Variants in PRPF38A observed in about 807,000 individuals in gnomAD.
The protein encoded by PRPF38A is pre-mRNA processing factor 38A, also known as pre-mRNA-splicing factor 38A.
A neutral mutation model predicts 46.8 loss-of-function variants in PRPF38A; 11 were observed. The observed-to-expected ratio is 0.24, with a 90% CI of 0.15 to 0.39. The LOEUF is 0.39. PRPF38A is among the 10% of genes least tolerant of loss of function. The pLI, the probability that PRPF38A is intolerant of heterozygous loss-of-function variation, is 1.00. For synonymous variants in PRPF38A, 124 were observed against 136.2 expected (o/e 0.91, Z 0.62); for missense variants, 261 against 407.5 (o/e 0.64, Z 3.10).
Position 52,411,214 on chromosome 1 carries a change from GTC to G in PRPF38A, c.498+16_498+17del, listed in dbSNP as rs765484584. On this transcript the variant is annotated intron_variant, in intron 4 of 9. Transcript: ENST00000257181. The stretch of plus-strand genomic sequence containing the variant: ...CCCCGACTACAGGTAAGAAATAAAA[GTC>G]TGTTACCAGAGTCACCCTTCTCTTC... 1.3e-6 allele frequency: 2 copies of G among 1,590,832 alleles called. No individual in the cohort carries two copies. The highest frequency in any genetic ancestry group is 1.7e-6 in the Non-Finnish European group (2 of 1,159,964).
intron 1 of PRPF38A, among the ~76,000 whole-genome samples, chr1:52,405,248 T>TA (rs1647945096): frequency 6.6e-6 from 1 of 152,238 alleles, no homozygotes; most frequent in South Asian, 2.1e-4. Flanking sequence ...TTCATGATCT[T>TA]ACTATTCTTA....
At chr1:52,414,678 A>T (rs777774985) in intron 7 of PRPF38A, 31 bp downstream of exon 7, 2 of 1,613,860 alleles carry the variant, frequency 1.2e-6, no homozygotes, top group East Asian at 4.5e-5. Context: ...GATGAAGGAT[A>T]GGGCTTTGGG....
chr1:52,407,025 T>G (rs1463326047), intron 2 of PRPF38A, among the ~76,000 whole-genome samples: 1 of 152,142 alleles, frequency 6.6e-6, no homozygotes, highest in Non-Finnish European at 1.5e-5. Context: ...GAACAACTCT[T>G]TTTTTTGTTT....
intron 2 of PRPF38A, among the ~76,000 whole-genome samples, chr1:52,406,362 C>G (rs535066804): frequency 6.6e-6 from 1 of 152,202 alleles, no homozygotes; most frequent in South Asian, 2.1e-4. Flanking sequence ...TAATTTTTCC[C>G]TGAAAAAGGA....
Position 52,407,208 on chromosome 1 carries a change from G to A in PRPF38A, c.291-1361G>A, listed in dbSNP as rs1477931574. 2.6e-5 allele frequency among the ~76,000 whole-genome samples: 4 copies of A among 152,092 alleles called. No homozygotes were observed. The East Asian group carries it at 7.7e-4, about 29-fold the overall frequency. On this transcript the variant is annotated intron_variant, in intron 2 of 9. Coordinates refer to ENST00000257181, the MANE Select transcript of PRPF38A (RefSeq NM_032864.4). ...AATTTTTTGTATTTTTACTAGAGACGGCATTTCACCGCGTTAGCCAGGATG... is the reference window on the plus strand; with the variant it reads ...AATTTTTTGTATTTTTACTAGAGACAGCATTTCACCGCGTTAGCCAGGATG...
Position 52,419,098 on chromosome 1 carries a change from G to C in PRPF38A, c.*2408G>C, listed in dbSNP as rs1431022748. ...TGGCCAGGTGCGGTGGCTCACGCCT[G>C]TAATCCCAGCACTTTGGGAGGCCGA... On this transcript the variant is annotated 3_prime_UTR_variant, in exon 10 of 10. Coordinates refer to ENST00000257181, the MANE Select transcript of PRPF38A (RefSeq NM_032864.4). 6.6e-6 allele frequency: 1 copy of C among 152,332 alleles called. No individual in the cohort carries two copies. The highest frequency in any genetic ancestry group is 2.4e-5 in the African/African-American group (1 of 41,470). 9.4% of individuals were successfully genotyped at this position (152,332 alleles called of 1,614,324 possible). A position where few individuals can be genotyped will look rare whatever the true frequency, so the allele number is the denominator to read the frequency against.
Position 52,404,730 on chromosome 1 carries a change from A to G in PRPF38A, c.-20A>G. On this transcript the variant is annotated 5_prime_UTR_variant, in exon 1 of 10. It adds an upstream start codon to the 5' untranslated region. Transcript: ENST00000257181. ...AGGCATTAAAGGATCCGACGGAAATAGAATTGAAGGCATTCTAAAATGGCT... is the reference window on the plus strand; with the variant it reads ...AGGCATTAAAGGATCCGACGGAAATGGAATTGAAGGCATTCTAAAATGGCT... 6.2e-7 allele frequency: 1 copy of G among 1,610,166 alleles called. No homozygotes were observed. The highest frequency in any genetic ancestry group is 8.5e-7 in the Non-Finnish European group (1 of 1,178,372).
chr1:52,413,601 T>C (rs1443126011), intron 5 of PRPF38A, among the ~76,000 whole-genome samples: 2 of 152,178 alleles, frequency 1.3e-5, no homozygotes, highest in Non-Finnish European at 2.9e-5. Flanking sequence ...TTTCACCATG[T>C]TGCCCAGGCT....
Position 52,408,720 on chromosome 1 carries a change from C to A in PRPF38A, c.412+30C>A. 1.9e-6 allele frequency: 3 copies of A among 1,609,128 alleles called. No individual in the cohort carries two copies. In the South Asian group the frequency reaches 3.3e-5, roughly 18 times the overall value. On this transcript the variant is annotated intron_variant, in intron 3 of 9. Coordinates refer to ENST00000257181, the MANE Select transcript of PRPF38A (RefSeq NM_032864.4). ...GTATGGTGCTAAGTCTCCTGATTGT[C>A]ATTTTTAAGCCAGTTTTTATTTTAC...
chr1:52,414,114 T>C, intron 6 of PRPF38A, 123 bp downstream of exon 6: 1 of 649,604 alleles, frequency 1.5e-6, no homozygotes. Flanking sequence ...TAGTTATCTG[T>C]TGCTGCAAAA....
chr1:52,416,497 CAG>C, intron 9 of PRPF38A, 149 bp from the exon 10 acceptor site: 1 of 558,690 alleles, frequency 1.8e-6, no homozygotes, highest in Non-Finnish European at 3.3e-6. Context: ...TTAGTAGAGA[CAG>C]GGTTTCACCA....
chr1:52,412,663 G>C (rs759156840), intron 5 of PRPF38A, 39 bp downstream of exon 5: 1 of 1,315,482 alleles, frequency 7.6e-7, no homozygotes, highest in Non-Finnish European at 1.1e-6. Context: ...AGGGGAGGGA[G>C]TAATAGAAAA....
chr1:52,408,278 A>C (rs900288826), intron 2 of PRPF38A: 1 of 487,188 alleles, frequency 2.1e-6, no homozygotes, highest in Admixed American at 2.8e-5. Context: ...TTTGATTCTT[A>C]GAGTAATCCT....
rs768345256 is a variant in PRPF38A, at chr1:52,411,177, G to A, written c.475G>A (p.Asp159Asn). Residue 159 changes from aspartate (D) to asparagine (N), a missense_variant, in exon 4 of 10, where the codon GAT becomes AAT. Asp to Asn is a conservative substitution (Grantham distance 23). Coordinates refer to ENST00000257181, the MANE Select transcript of PRPF38A (RefSeq NM_032864.4). ...ACTATTGCACAGTGAGAGAGTCTGTGATATCATTCTGCCCCGACTACAGGT... is the reference window on the plus strand; with the variant it reads ...ACTATTGCACAGTGAGAGAGTCTGTAATATCATTCTGCCCCGACTACAGGT... ...DELLHSERVC[D>N]IILPRLQKRY... 4 of 1,613,294 alleles carry A rather than the reference G, an allele frequency of 2.5e-6. No homozygotes were observed. The highest frequency in any genetic ancestry group is 3.4e-6 in the Non-Finnish European group (4 of 1,179,412).
Position 52,404,633 on chromosome 1 carries a change from G to C in PRPF38A, c.-117G>C. The C allele has an allele frequency of 8.6e-7, 1 of 1,168,198 alleles. No individual in the cohort carries two copies. Among genetic ancestry groups the C allele is most frequent in the Non-Finnish European group, 1.2e-6 (1 of 831,328 alleles). 72.4% of individuals were successfully genotyped at this position (1,168,198 alleles called of 1,614,324 possible). A position where few individuals can be genotyped will look rare whatever the true frequency, so the allele number is the denominator to read the frequency against. On this transcript the variant is annotated 5_prime_UTR_variant, in exon 1 of 10. Coordinates refer to ENST00000257181, the MANE Select transcript of PRPF38A (RefSeq NM_032864.4). ...CGGTGTTTCCGGCTTCAAGATGGTC[G>C]CCTAAGCTGTTTAGTGAAACTTCTT...
rs753952774 is a variant in PRPF38A, at chr1:52,411,122, A to C, written c.420A>C (p.Glu140Asp). The C allele has an allele frequency of 6.2e-7, 1 of 1,612,772 alleles. No individual in the cohort carries two copies. Among genetic ancestry groups the C allele is most frequent in the South Asian group, 1.1e-5 (1 of 90,976 alleles). ...AATGACTTTTTCTTGCAGAGTTTGAATTGATGCATGTTGATGAGTTTATTG... is the reference window on the plus strand; with the variant it reads ...AATGACTTTTTCTTGCAGAGTTTGACTTGATGCATGTTGATGAGTTTATTG... Reference protein sequence around the residue: ...IKSQNRNGEFELMHVDEFIDE... With the variant: ...IKSQNRNGEFDLMHVDEFIDE... Residue 140 changes from glutamate to aspartate, a missense_variant, in exon 4 of 10, where the codon GAA (glutamate) becomes GAC (aspartate). Glu to Asp is a conservative substitution (Grantham distance 45). Around this residue, in one of 2 missense-constraint regions of PRPF38A, gnomAD observed 81 missense variants for 186.5 expected, o/e 0.43. Coordinates refer to ENST00000257181, the MANE Select transcript of PRPF38A (RefSeq NM_032864.4).
intron 6 of PRPF38A, among the ~76,000 whole-genome samples, chr1:52,414,225 A>G (rs1047410999): frequency 6.6e-6 from 1 of 152,186 alleles, no homozygotes; most frequent in Non-Finnish European, 1.5e-5. Context: ...GGCAGTTTTT[A>G]AAGTACCTGT....
intron 2 of PRPF38A, chr1:52,408,181 A>G (rs1164349621): frequency 5.9e-6 from 2 of 338,448 alleles, no homozygotes; most frequent in Non-Finnish European, 1.1e-5. Flanking sequence ...CGGAGGTTGC[A>G]GTGAGCCAAG....
chr1:52,406,891 G>A (rs1386640030), intron 2 of PRPF38A, among the ~76,000 whole-genome samples: 2 of 152,182 alleles, frequency 1.3e-5, no homozygotes, highest in Non-Finnish European at 2.9e-5. Context: ...GGCAAATCTG[G>A]CTTCAGAGTT....
Sources: gnomAD v4.1 joint callset for allele counts (sites outside exome capture counted in the v4.1 genomes callset) on GRCh38, gnomAD v4.1.1 for gene constraint, gnomAD v4.1.1 regional missense constraint, MANE v1.5 for transcripts, NCBI Gene and HGNC (gene_info 2026-07-23, HGNC 2026-07-21) for gene names.